Variants in GNG7 observed in about 807,000 individuals in gnomAD.
GNG7 encodes guanine nucleotide-binding protein G(I)/G(S)/G(O) subunit gamma-7.
Under a neutral mutation model 4.0 loss-of-function variants are expected in GNG7, and 1 was observed. The observed-to-expected ratio is 0.25, with a 90% confidence interval of 0.09 to 1.18. The LOEUF is 1.18. Among genes scored for constraint, GNG7 ranks in the 50% most tolerant of loss-of-function variants. The probability of loss-of-function intolerance (pLI) is 0.50; values close to 1 mark genes in which losing one functional copy is unlikely to be tolerated. For missense variants in GNG7, 86 were observed against 91.9 expected, an observed-to-expected ratio of 0.94 and a Z score of 0.26; for synonymous variants, 34 against 36.9, an observed-to-expected ratio of 0.92 and a Z score of 0.29.
At chr19:2,555,606 G>A (rs1228933468) in intron 2 of GNG7, among the ~76,000 whole-genome samples, 2 of 152,164 alleles carry the variant, frequency 1.3e-5, no homozygotes, top group African/African-American at 4.8e-5. Context: ...TGTAAGCCAC[G>A]TGCCGGGCAA....
At position 2,568,184 on chromosome 19, in the gene GNG7, T is replaced by C. The variant is rs139963367; in HGVS notation, c.-77-12996A>G. Among the ~76,000 whole-genome samples, 786 of 143,156 alleles carry C rather than the reference T, an allele frequency of 5.5e-3. 29 individuals are homozygous for C. Among genetic ancestry groups the C allele is most frequent in the East Asian group, 5.6e-3 (27 of 4,818 alleles). The allele number at this position is 143,156 out of a possible 152,430, so 93.9% of individuals were successfully genotyped here. A position where few individuals can be genotyped will look rare whatever the true frequency, so the allele number is the denominator to read the frequency against. On this transcript the variant is annotated intron_variant, in intron 2 of 4. Transcript: ENST00000382159. ...ACATACATACACACACATACACACA[T>C]GCACATACACACACATATAGACATA...
chr19:2,527,308 A>T (rs978938481), intron 3 of GNG7, among the ~76,000 whole-genome samples: 1 of 151,964 alleles, frequency 6.6e-6, no homozygotes, highest in Non-Finnish European at 1.5e-5. Flanking sequence ...GCTGTGTCTC[A>T]CTCAGACGGC....
intron 2 of GNG7, among the ~76,000 whole-genome samples, chr19:2,570,954 C>A (rs143931490): frequency 1.4e-5 from 2 of 146,152 alleles, no homozygotes; most frequent in Admixed American, 6.8e-5. Flanking sequence ...CACGCCACCA[C>A]GCCTGGCTAA....
intron 1 of GNG7, among the ~76,000 whole-genome samples, chr19:2,650,826 G>GAGACAA (rs1982792836): frequency 2.0e-5 from 3 of 152,344 alleles, no homozygotes; most frequent in Admixed American, 2.0e-4. Flanking sequence ...AATCGACCCG[G>GAGACAA]GCGGCCAGCA....
rs1982017533 is a variant in GNG7 at position 2,626,221 on chromosome 19, G to A, written c.-78+20003C>T. 6.6e-6 allele frequency among the ~76,000 whole-genome samples: 1 copy of A among 152,176 alleles called. No homozygotes were observed. The highest frequency in any genetic ancestry group is 1.5e-5 in the Non-Finnish European group (1 of 68,024). ...GTGTCTCCAGCGGGAACGTGAAGCT[G>A]ATGCTGCTCCCGCCCCAGGCCTGAA... On this transcript the variant is annotated intron_variant, in intron 2 of 4. Transcript: ENST00000382159. The surrounding 1 kb of genome is among the most constrained non-coding windows in gnomAD (Gnocchi z 5.0).
chr19:2,680,408 C>T (rs904061140), intron 1 of GNG7, among the ~76,000 whole-genome samples: 2 of 151,960 alleles, frequency 1.3e-5, no homozygotes, highest in Non-Finnish European at 2.9e-5. Context: ...CCTCGGTCTC[C>T]CAAAGTGCTG....
intron 1 of GNG7, among the ~76,000 whole-genome samples, chr19:2,693,695 C>T (rs1913184345): frequency 6.6e-6 from 1 of 152,260 alleles, no homozygotes; most frequent in East Asian, 1.9e-4. Context: ...CCAGGAGCAG[C>T]CCCGGTTGTG....
At position 2,618,380 on chromosome 19, in the gene GNG7, ACT is replaced by A. The variant is rs1258586052; in HGVS notation, c.-78+27842_-78+27843del. 7.9e-6 allele frequency among the ~76,000 whole-genome samples: 1 copy of A among 126,576 alleles called. No individual in the cohort carries two copies. The allele number at this position is 126,576 out of a possible 152,430, so 83.0% of individuals were successfully genotyped here. On this transcript the variant is annotated intron_variant, in intron 2 of 4. Transcript: ENST00000382159. The surrounding 1 kb of genome is among the most constrained non-coding windows in gnomAD (Gnocchi z 5.1). ...GTGTGTGTGTGTGTGTGTGTATCTCACTCTGTTGCCCAGGCTGGAGTGCAGTG... is the reference window on the plus strand; with the variant it reads ...GTGTGTGTGTGTGTGTGTGTATCTCACTGTTGCCCAGGCTGGAGTGCAGTG...
chr19:2,644,961 A>T (rs1982626292), intron 2 of GNG7, among the ~76,000 whole-genome samples: 1 of 152,174 alleles, frequency 6.6e-6, no homozygotes, highest in Non-Finnish European at 1.5e-5. Context: ...ACCTCTCATG[A>T]CCATTGACTA....
chr19:2,672,050 CAAAAA>C (rs528016536), intron 1 of GNG7, among the ~76,000 whole-genome samples: 1 of 87,194 alleles, frequency 1.1e-5, no homozygotes, highest in Non-Finnish European at 2.1e-5. Context: ...GACTCCGTCT[CAAAAA>C]AAAAAAAAAA....
rs534918623 is a variant in GNG7 at position 2,515,134 on chromosome 19, G to A, written c.95C>T (p.Ala32Val). The change falls in exon 5 of 5, where the codon GCG (alanine) becomes GTG (valine). Residue 32 changes from alanine (A) to valine (V), a missense_variant. Ala to Val is a moderately conservative substitution (Grantham distance 64). Transcript: ENST00000382159. ...GIERIKVSKA[A>V]SDLMSYCEQH... Reference sequence around the variant, plus strand: ...CTCACAGTAGCTCATGAGGTCAGACGCCGCTTTGGAGACCTGTGTTTGAGC... The same window carrying A: ...CTCACAGTAGCTCATGAGGTCAGACACCGCTTTGGAGACCTGTGTTTGAGC... 1.8e-5 allele frequency: 29 copies of A among 1,613,826 alleles called. No individual in the cohort carries two copies. The highest frequency in any genetic ancestry group is 1.7e-4 in the Middle Eastern group (1 of 5,990).
chr19:2,671,640 C>T (rs1231679123), intron 1 of GNG7, among the ~76,000 whole-genome samples: 1 of 152,054 alleles, frequency 6.6e-6, no homozygotes, highest in African/African-American at 2.4e-5. Context: ...AGAGACAACA[C>T]CTGGCCCATT....
intron 2 of GNG7, among the ~76,000 whole-genome samples, chr19:2,568,990 CAT>C (rs1568247474): frequency 2.0e-5 from 3 of 152,052 alleles, no homozygotes; most frequent in Admixed American, 1.3e-4. Flanking sequence ...TACACATACA[CAT>C]ATTTACACAC....
chr19:2,512,173 G>A lies in GNG7; in HGVS notation c.*2849C>T. The A allele has an allele frequency of 2.0e-6, 2 of 985,838 alleles. No individual in the cohort carries two copies. The highest frequency in any genetic ancestry group is 2.4e-6 in the Non-Finnish European group (2 of 829,972). The allele number at this position is 985,838 out of a possible 1,614,324, so 61.1% of individuals were successfully genotyped here. A position where few individuals can be genotyped will look rare whatever the true frequency, so the allele number is the denominator to read the frequency against. ...TCCCCCCAAGGCTAGAGCTGCTGCT[G>A]CCACCCCCGCCCGCCAGCTCCCCGT... On this transcript the variant is annotated 3_prime_UTR_variant, in exon 5 of 5. Coordinates refer to ENST00000382159, the MANE Select transcript of GNG7 (RefSeq NM_052847.3). The surrounding 1 kb of genome is among the most constrained non-coding windows in gnomAD (Gnocchi z 4.7).
chr19:2,564,376 T>C (rs1979838167), intron 2 of GNG7, among the ~76,000 whole-genome samples: 1 of 151,288 alleles, frequency 6.6e-6, no homozygotes. Flanking sequence ...AGGCCAGGAG[T>C]TCGAGACCAG....
chr19:2,571,228 C>T lies in GNG7; in HGVS notation c.-77-16040G>A, dbSNP rs558688215. Among the ~76,000 whole-genome samples, 31 of 152,264 alleles carry T rather than the reference C, an allele frequency of 2.0e-4. 1 individual carries two copies. The South Asian group carries it at 3.7e-3, about 18-fold the overall frequency. Reference sequence around the variant, plus strand: ...CTTCTAGGATCTGCGGAATGGGGGCCTCTCCAGCACAGATAACAGAGGGTC... The same window carrying T: ...CTTCTAGGATCTGCGGAATGGGGGCTTCTCCAGCACAGATAACAGAGGGTC... On this transcript the variant is annotated intron_variant, in intron 2 of 4. Transcript: ENST00000382159.
In GNG7 at chr19:2,531,519, C is replaced by T. The variant is rs1362388809; in HGVS notation, c.-37-10794G>A. On this transcript the variant is annotated intron_variant, in intron 3 of 4. Transcript: ENST00000382159. ...CCAGGCCTCAGATTATTTCTACATG[C>T]AAATCCGCAATACAGGCCGGGCGCG... 6.6e-5 allele frequency among the ~76,000 whole-genome samples: 10 copies of T among 152,128 alleles called. 1 individual carries two copies. In the East Asian group the frequency reaches 1.9e-3, roughly 29 times the overall value.
At chr19:2,551,275 A>G (rs886293064) in intron 3 of GNG7, among the ~76,000 whole-genome samples, 2 of 152,126 alleles carry the variant, frequency 1.3e-5, no homozygotes, top group Admixed American at 1.3e-4. Context: ...GGACTTCTCC[A>G]TGGAGAATAT....
chr19:2,696,987 G>T (rs967851360), intron 1 of GNG7, among the ~76,000 whole-genome samples: 2 of 150,166 alleles, frequency 1.3e-5, no homozygotes, highest in African/African-American at 2.5e-5. Context: ...TGAGTAGCTG[G>T]GATTACAGGC....
Sources: gnomAD v4.1 joint callset for allele counts (sites outside exome capture counted in the v4.1 genomes callset) on GRCh38, gnomAD v4.1.1 for gene constraint, Gnocchi (gnomAD v3.1) non-coding constraint, MANE v1.5 for transcripts, NCBI Gene and HGNC (gene_info 2026-07-23, HGNC 2026-07-21) for gene names.